The following ZNF385D variants were observed in gnomAD, a reference collection of about 807,000 sequenced individuals.
ZNF385D encodes the protein zinc finger protein 659.
ZNF385D carries 15 observed loss-of-function variants against 35.8 expected under a neutral mutation model. The observed-to-expected ratio is 0.42, with a 90% CI of 0.28 to 0.64. ZNF385D has a LOEUF of 0.64. Among genes scored for constraint, ZNF385D ranks in the 30% least tolerant of loss-of-function variants. The pLI is 0.23. For synonymous variants in ZNF385D, 212 were observed against 186.8 expected, an observed-to-expected ratio of 1.13 and a Z score of -1.10; for missense variants, 474 against 494.6, an observed-to-expected ratio of 0.96 and a Z score of 0.39.
chr3:21,447,857 A>G (rs960886234), intron 4 of ZNF385D, among the ~76,000 whole-genome samples: 4 of 152,172 alleles, frequency 2.6e-5, no homozygotes, highest in Non-Finnish European at 4.4e-5. Context: ...ATGAAGAAAT[A>G]ACAGCCAGCT....
intron 2 of ZNF385D, among the ~76,000 whole-genome samples, chr3:22,201,244 C>A (rs950390987): frequency 2.0e-5 from 3 of 152,084 alleles, no homozygotes. Context: ...GTTCTTCTGC[C>A]GTGGCTTCAG....
chr3:21,975,741 A>ATATATATATGTG (rs1703572601), intron 3 of ZNF385D, among the ~76,000 whole-genome samples: 11 of 81,542 alleles, frequency 1.3e-4, no homozygotes, highest in Non-Finnish European at 2.4e-4. Flanking sequence ...ATATATATAT[A>ATATATATATGTG]TATATATATA....
chr3:21,516,225 C>A lies in ZNF385D; in HGVS notation c.277-5202G>T, dbSNP rs1707553874. On this transcript the variant is annotated intron_variant, in intron 3 of 7. Coordinates refer to ENST00000281523, the MANE Select transcript of ZNF385D (RefSeq NM_024697.3). ...ACTTGAGTTCTCCCACATGTCCAGCCTTATGTTAATTAAACTCTTTCTTTA... is the reference window on the plus strand; with the variant it reads ...ACTTGAGTTCTCCCACATGTCCAGCATTATGTTAATTAAACTCTTTCTTTA... Among the ~76,000 whole-genome samples, 3 of 152,182 alleles carry A rather than the reference C, an allele frequency of 2.0e-5. No homozygotes were observed. In the South Asian group the frequency reaches 6.2e-4, roughly 32 times the overall value.
At chr3:21,770,153 A>T (rs1463020705) in intron 3 of ZNF385D, among the ~76,000 whole-genome samples, 3 of 152,144 alleles carry the variant, frequency 2.0e-5, no homozygotes, top group Non-Finnish European at 4.4e-5. Flanking sequence ...AACCTAGGCA[A>T]TATCATTCAG....
chr3:21,880,504 T>C (rs192481896), intron 3 of ZNF385D, among the ~76,000 whole-genome samples: 100 of 152,136 alleles, frequency 6.6e-4, no homozygotes, highest in Non-Finnish European at 1.2e-3. Context: ...GCAAACTTCA[T>C]TGATAAATGT....
At chr3:22,049,907 T>C (rs1699241067) in intron 3 of ZNF385D, among the ~76,000 whole-genome samples, 1 of 152,184 alleles carries the variant, frequency 6.6e-6, no homozygotes. Context: ...TGTTAATATT[T>C]TGTTGAGGAA....
chr3:22,190,623 C>T (rs562619638), intron 2 of ZNF385D, among the ~76,000 whole-genome samples: 5 of 152,214 alleles, frequency 3.3e-5, no homozygotes, highest in South Asian at 4.1e-4. Flanking sequence ...CAACTAGGAC[C>T]GTCTGGAGTA....
intron 2 of ZNF385D, among the ~76,000 whole-genome samples, chr3:22,357,845 T>G (rs1279412287): frequency 6.6e-6 from 1 of 151,858 alleles, no homozygotes; most frequent in East Asian, 1.9e-4. Flanking sequence ...TAACATAACT[T>G]CTGGAGTAAT....
At chr3:21,550,568 C>T (rs985350514) in intron 3 of ZNF385D, among the ~76,000 whole-genome samples, 2 of 152,102 alleles carry the variant, frequency 1.3e-5, no homozygotes, top group African/African-American at 2.4e-5. Context: ...CTGCAACCTC[C>T]GCCTGCCAGG....
chr3:22,024,575 G>C (rs1343645418), intron 3 of ZNF385D, among the ~76,000 whole-genome samples: 1 of 152,034 alleles, frequency 6.6e-6, no homozygotes, highest in Non-Finnish European at 1.5e-5. Context: ...TAATAGTATG[G>C]AGAACATACT....
chr3:21,426,684 C>T (rs1435845490), intron 5 of ZNF385D, among the ~76,000 whole-genome samples: 2 of 151,970 alleles, frequency 1.3e-5, no homozygotes, highest in South Asian at 4.1e-4. Context: ...TTAGATTGTA[C>T]GTTCGGCAAC....
intron 2 of ZNF385D, among the ~76,000 whole-genome samples, chr3:22,247,032 C>T (rs1699821119): frequency 6.6e-6 from 1 of 152,116 alleles, no homozygotes; most frequent in South Asian, 2.1e-4. Flanking sequence ...CATTTATACA[C>T]TAACTCACAC....
intron 3 of ZNF385D, among the ~76,000 whole-genome samples, chr3:21,956,352 A>C (rs13061226): frequency 0.68 from 103,297 of 151,490 alleles, 36,341 homozygotes; most frequent in Non-Finnish European, 0.77. Context: ...TATTCCTCCT[A>C]ATTTTCACAC....
chr3:21,968,062 T>C lies in ZNF385D; in HGVS notation c.325+200755A>G, dbSNP rs557428053. On this transcript the variant is annotated intron_variant, in intron 3 of 5. Transcript: ENST00000494108. ...CACCACCCCTCCCTTACACCCCAGCTGTGGGTGTACGGTGCAGAGAGAGTA... is the reference window on the plus strand; with the variant it reads ...CACCACCCCTCCCTTACACCCCAGCCGTGGGTGTACGGTGCAGAGAGAGTA... Among the ~76,000 whole-genome samples, 8 of 152,140 alleles carry C rather than the reference T, an allele frequency of 5.3e-5. No homozygotes were observed. The South Asian group carries it at 6.2e-4, about 12-fold the overall frequency.
At position 21,696,785 on chromosome 3, in the gene ZNF385D, C is replaced by T. The variant is rs2067486467; in HGVS notation, c.23-31757G>A. ...TGTGGGGGAAAATCTACTCCTGAGTCAACCTCCCCATAAATCAGTAGAGCA... is the reference window on the plus strand; with the variant it reads ...TGTGGGGGAAAATCTACTCCTGAGTTAACCTCCCCATAAATCAGTAGAGCA... On this transcript the variant is annotated intron_variant, in intron 1 of 7. Coordinates refer to ENST00000281523, the MANE Select transcript of ZNF385D (RefSeq NM_024697.3). Among the ~76,000 whole-genome samples, 2 of 152,208 alleles carry T rather than the reference C, an allele frequency of 1.3e-5. 1 individual carries two copies. The highest frequency in any genetic ancestry group is 4.1e-4 in the South Asian group (2 of 4,834).
In ZNF385D at chr3:21,419,720, A is replaced by G. The variant is rs1183788462; in HGVS notation, c.*1494T>C. 6.6e-6 allele frequency: 1 copy of G among 152,138 alleles called. No individual in the cohort carries two copies. The highest frequency in any genetic ancestry group is 1.5e-5 in the Non-Finnish European group (1 of 68,002). 9.4% of individuals were successfully genotyped at this position (152,138 alleles called of 1,614,324 possible). ...GAAAAAGCAAATAGCCTTTATCACA[A>G]ATTAAAGGCACAGCTATTTTTATGC... is the stretch of plus-strand genomic sequence containing the variant. On this transcript the variant is annotated 3_prime_UTR_variant, in exon 8 of 8. Transcript: ENST00000281523.
At chr3:21,449,355 C>T (rs556892604) in intron 4 of ZNF385D, among the ~76,000 whole-genome samples, 4 of 151,820 alleles carry the variant, frequency 2.6e-5, no homozygotes, top group Middle Eastern at 3.4e-3. Context: ...CCATTTCACT[C>T]GTTGGGATCT....
intron 3 of ZNF385D, among the ~76,000 whole-genome samples, chr3:21,974,954 C>T (rs1050809686): frequency 4.6e-5 from 7 of 152,082 alleles, no homozygotes; most frequent in African/African-American, 7.2e-5. Context: ...CGGGAACCCT[C>T]GAACACTGTT....
chr3:22,072,406 T>C (rs1700270734), intron 3 of ZNF385D, among the ~76,000 whole-genome samples: 1 of 152,094 alleles, frequency 6.6e-6, no homozygotes, highest in Non-Finnish European at 1.5e-5. Context: ...AGGCTTCATC[T>C]GTCCTTCAAG....
Sources: allele counts gnomAD v4.1 joint callset (sites outside exome capture counted in the v4.1 genomes callset), GRCh38; gene constraint gnomAD v4.1.1; transcripts MANE v1.5; gene names NCBI Gene and HGNC (gene_info 2026-07-23, HGNC 2026-07-21).